Variants in OLFML2B observed in about 807,000 individuals in gnomAD.
OLFML2B encodes olfactomedin-like protein 2B.
OLFML2B carries 57 observed loss-of-function variants against 74.9 expected under a neutral mutation model. The observed-to-expected ratio is 0.76, with a 90% CI of 0.61 to 0.95. OLFML2B has a LOEUF of 0.95. Among genes scored for constraint, OLFML2B ranks in the 40% least tolerant of loss-of-function variants. OLFML2B has a pLI of 0.00. For missense variants in OLFML2B, 986 were observed against 970.6 expected (o/e 1.02, Z -0.21); for synonymous variants, 388 against 405.8 (o/e 0.96, Z 0.53).
At chr1:162,022,621 CAAGTTT>C (rs1690752073) in intron 1 of OLFML2B, among the ~76,000 whole-genome samples, 1 of 152,132 alleles carries the variant, frequency 6.6e-6, no homozygotes, top group African/African-American at 2.4e-5. Context: ...TCAGAAAAAA[CAAGTTT>C]AAGTACTTGG....
intron 4 of OLFML2B, among the ~76,000 whole-genome samples, chr1:162,006,091 C>A (rs895885794): frequency 6.6e-6 from 1 of 152,174 alleles, no homozygotes; most frequent in Admixed American, 6.5e-5. Flanking sequence ...GGCTTCAACA[C>A]TCACTGATCC....
intron 2 of OLFML2B, among the ~76,000 whole-genome samples, chr1:162,018,659 C>T (rs546510061): frequency 6.6e-6 from 1 of 152,148 alleles, no homozygotes; most frequent in Non-Finnish European, 1.5e-5. Context: ...GAGGCTCTGG[C>T]GGCACTGAGG....
Position 161,984,814 on chromosome 1 carries a change from G to A in OLFML2B, c.1641C>T (p.Asn547=). The part of the protein sequence containing the change: ...NTLVEFRNLE[N]FKQGRWSNSY... ...ATCTTTATCATGTACCTTGTTTGAA[G>A]TTCTCCAGGTTCCGGAACTCTACCA... The change falls in exon 7 of 8, where the codon AAC becomes AAT. Residue 547 remains asparagine (N), a synonymous_variant. Transcript: ENST00000294794. 3.1e-6 allele frequency: 5 copies of A among 1,613,612 alleles called. No homozygotes were observed. Among genetic ancestry groups the A allele is most frequent in the South Asian group, 2.2e-5 (2 of 91,026 alleles).
chr1:162,023,168 G>A, intron 1 of OLFML2B, 89 bp downstream of exon 1: 1 of 1,245,372 alleles, frequency 8.0e-7, no homozygotes, highest in Admixed American at 2.8e-5. Flanking sequence ...AGGAAAAACA[G>A]CTGCCCTCAA....
chr1:161,998,347 C>A lies in OLFML2B; in HGVS notation c.952G>T (p.Asp318Tyr). The A allele has an allele frequency of 6.5e-7, 1 of 1,546,304 alleles. No individual in the cohort carries two copies. Among genetic ancestry groups the A allele is most frequent in the South Asian group, 1.2e-5 (1 of 81,458 alleles). ...CCATTGTCACCGCTGAAAAACTCAT[C>A]TTCTGTGAAACAAACACAAGGTTCA... is the stretch of plus-strand genomic sequence containing the variant. ...EEENDIEEQQ[D>Y]EFFSGDNGVD... is the part of the protein sequence containing the mutation. The change falls in exon 6 of 8, where the codon GAT becomes TAT. Residue 318 changes from aspartate to tyrosine, a missense_variant and splice_region_variant. Coordinates refer to ENST00000294794, the MANE Select transcript of OLFML2B (RefSeq NM_015441.3).
At chr1:162,003,912 C>T (rs1357431874) in intron 4 of OLFML2B, among the ~76,000 whole-genome samples, 1 of 152,192 alleles carries the variant, frequency 6.6e-6, no homozygotes, top group African/African-American at 2.4e-5. Context: ...CTTTCTGCCC[C>T]ACCACCCTGG....
chr1:162,009,929 G>A (rs898407116), intron 3 of OLFML2B, among the ~76,000 whole-genome samples: 1 of 152,232 alleles, frequency 6.6e-6, no homozygotes, highest in African/African-American at 2.4e-5. Flanking sequence ...TGGGAAATAG[G>A]TGAACCCCAT....
chr1:162,006,408 G>A lies in OLFML2B; in HGVS notation c.612C>T (p.Thr204=), dbSNP rs140833279. Residue 204 remains threonine (T), a synonymous_variant, in exon 4 of 8, where the codon ACC becomes ACT. Transcript: ENST00000294794. Reference sequence around the variant, plus strand: ...TTTCTTTGCCTCGCTTATTCATCTCGGTTCGAATTTCTTCCATGTCCTCTT... The same window carrying A: ...TTTCTTTGCCTCGCTTATTCATCTCAGTTCGAATTTCTTCCATGTCCTCTT... The part of the protein sequence containing the change: ...QIKEDMEEIR[T]EMNKRGKENC... The A allele has an allele frequency of 2.2e-4, 357 of 1,612,280 alleles. No individual in the cohort carries two copies. Among genetic ancestry groups the A allele is most frequent in the Admixed American group, 7.2e-4 (43 of 59,668 alleles).
In OLFML2B at chr1:161,983,763, G is replaced by A; in HGVS notation, c.2165C>T (p.Thr722Ile). The change falls in exon 8 of 8, where the codon ACC becomes ATC. Residue 722 changes from threonine (T) to isoleucine (I), a missense_variant. By Grantham distance (89) the Thr-to-Ile change is moderately conservative. Coordinates refer to ENST00000294794, the MANE Select transcript of OLFML2B (RefSeq NM_015441.3). ...LLFENEYSYT[T>I]QIDYNPKDRL... is the part of the protein sequence containing the mutation. Reference sequence around the variant, plus strand: ...GTCCTTGGGGTTGTAGTCTATCTGGGTCGTATAGGAATACTCATTCTCGAA... The same window carrying A: ...GTCCTTGGGGTTGTAGTCTATCTGGATCGTATAGGAATACTCATTCTCGAA... 3 of 1,614,040 alleles carry A rather than the reference G, an allele frequency of 1.9e-6. No homozygotes were observed. Among genetic ancestry groups the A allele is most frequent in the Non-Finnish European group, 1.7e-6 (2 of 1,180,024 alleles).
At chr1:162,011,768 A>C (rs1341590853) in intron 3 of OLFML2B, among the ~76,000 whole-genome samples, 2 of 152,208 alleles carry the variant, frequency 1.3e-5, no homozygotes. Flanking sequence ...CAACAGCAAG[A>C]AGACCCAGGC....
intron 2 of OLFML2B, among the ~76,000 whole-genome samples, chr1:162,018,866 A>G (rs1690620606): frequency 6.6e-6 from 1 of 152,250 alleles, no homozygotes; most frequent in African/African-American, 2.4e-5. Context: ...AATCCTGGAT[A>G]GAAGCCATAA....
At position 162,023,277 on chromosome 1, in the gene OLFML2B, G is replaced by T; in HGVS notation, c.154C>A (p.Gln52Lys). 2 of 1,559,366 alleles carry T rather than the reference G, an allele frequency of 1.3e-6. No individual in the cohort carries two copies. The highest frequency in any genetic ancestry group is 1.2e-5 in the South Asian group (1 of 84,812). Residue 52 changes from glutamine (Q) to lysine (K), a missense_variant, in exon 1 of 8, where the codon CAG becomes AAG. Transcript: ENST00000294794. Reference protein sequence around the residue: ...DETLQNEADNQENVLSQLLGD... With the variant: ...DETLQNEADNKENVLSQLLGD... The stretch of plus-strand genomic sequence containing the variant: ...CCTACCTGAGATAAAACGTTCTCCT[G>T]GTTGTCCGCCTCGTTTTGCAGAGTC...
At chr1:161,985,163 A>C in intron 6 of OLFML2B, 183 bp from the exon 7 acceptor site, 1 of 506,554 alleles carries the variant, frequency 2.0e-6, no homozygotes, top group Non-Finnish European at 3.4e-6. Flanking sequence ...CCTACACTTG[A>C]CCCTACACTT....
chr1:162,004,413 C>T (rs1690164863), intron 4 of OLFML2B, among the ~76,000 whole-genome samples: 1 of 152,180 alleles, frequency 6.6e-6, no homozygotes, highest in South Asian at 2.1e-4. Flanking sequence ...TCCAAAAAAG[C>T]ACCAAAGTAG....
At chr1:161,985,370 C>T (rs1045897815) in intron 6 of OLFML2B, 2 of 163,320 alleles carry the variant, frequency 1.2e-5, no homozygotes, top group African/African-American at 4.8e-5. Context: ...CAGAGCATGT[C>T]ATCCTGCATC....
intron 3 of OLFML2B, among the ~76,000 whole-genome samples, chr1:162,014,967 A>G (rs1171139284): frequency 1.3e-5 from 2 of 152,176 alleles, no homozygotes; most frequent in East Asian, 3.9e-4. Context: ...TACGGGGTTG[A>G]TTAGAAAGAG....
intron 6 of OLFML2B, among the ~76,000 whole-genome samples, chr1:161,997,556 T>G (rs1689947833): frequency 6.6e-6 from 1 of 152,212 alleles, no homozygotes; most frequent in Non-Finnish European, 1.5e-5. Flanking sequence ...CAACAAATAT[T>G]TATAAAACTA....
intron 3 of OLFML2B, 87 bp from the exon 4 acceptor site, chr1:162,006,560 C>A (rs569058218): frequency 2.1e-6 from 2 of 971,544 alleles, no homozygotes; most frequent in South Asian, 1.6e-5. Context: ...TCAGAGCACA[C>A]AGACACAACA....
intron 6 of OLFML2B, among the ~76,000 whole-genome samples, chr1:161,986,244 A>G (rs1399713652): frequency 6.6e-6 from 1 of 152,240 alleles, no homozygotes; most frequent in Non-Finnish European, 1.5e-5. Flanking sequence ...GGACAAAAGT[A>G]ACAAAAGACC....
Sources: allele counts gnomAD v4.1 joint callset (sites outside exome capture counted in the v4.1 genomes callset), GRCh38; gene constraint gnomAD v4.1.1; transcripts MANE v1.5; gene names NCBI Gene and HGNC (gene_info 2026-07-23, HGNC 2026-07-21).